Variants in COLEC12 observed in about 807,000 individuals in gnomAD.
The protein encoded by COLEC12 is collectin-12.
In COLEC12, 33 loss-of-function variants were observed where a neutral mutation model predicts 71.1. The ratio of observed to expected loss-of-function variants is 0.46; its 90% CI spans 0.35 to 0.62. The LOEUF is 0.62. Ranked by LOEUF, COLEC12 falls within the 20% of genes least tolerant of loss-of-function variation. The pLI, the probability that COLEC12 is intolerant of heterozygous loss-of-function variation, is 0.00. For synonymous variants in COLEC12, 350 were observed against 353.0 expected (o/e 0.99, Z 0.10); for missense variants, 765 against 916.1 (o/e 0.84, Z 2.13).
Position 500,394 on chromosome 18 carries a change from C to G in COLEC12, c.7+114G>C, listed in dbSNP as rs1335883728. The G allele has an allele frequency of 1.4e-6, 1 of 739,668 alleles. No homozygotes were observed. Among genetic ancestry groups the G allele is most frequent in the African/African-American group, 1.8e-5 (1 of 54,368 alleles). The allele number at this position is 739,668 out of a possible 1,614,324, so 45.8% of individuals were successfully genotyped here. ...ACCCGGCGCCCTGGCAGCCCCGACTCCCCGGGCCCGCAGCCCAAGGGAAGG... is the reference window on the plus strand; with the variant it reads ...ACCCGGCGCCCTGGCAGCCCCGACTGCCCGGGCCCGCAGCCCAAGGGAAGG... On this transcript the variant is annotated intron_variant, in intron 1 of 9. Transcript: ENST00000400256. The surrounding 1 kb of genome is among the most constrained non-coding windows in gnomAD (Gnocchi z 5.3).
intron 2 of COLEC12, among the ~76,000 whole-genome samples, chr18:461,326 T>C (rs1268527486): frequency 1.3e-5 from 2 of 152,198 alleles, no homozygotes. Context: ...AACACTATTA[T>C]CTCAACATAT....
chr18:395,813 C>G (rs1915558826), intron 2 of COLEC12, among the ~76,000 whole-genome samples: 3 of 152,172 alleles, frequency 2.0e-5, no homozygotes, highest in Admixed American at 2.0e-4. Context: ...GTAGAAGATG[C>G]CAATCCCCAA....
At chr18:446,075 T>A (rs1423233259) in intron 2 of COLEC12, among the ~76,000 whole-genome samples, 2 of 152,238 alleles carry the variant, frequency 1.3e-5, no homozygotes, top group African/African-American at 4.8e-5. Flanking sequence ...GTACAAATAC[T>A]GCCTTTTTTA....
chr18:451,860 C>T (rs1441294426), intron 2 of COLEC12, among the ~76,000 whole-genome samples: 1 of 152,054 alleles, frequency 6.6e-6, no homozygotes, highest in Non-Finnish European at 1.5e-5. Context: ...AGACCATTTC[C>T]AGGGGGAGGA....
At chr18:368,619 C>A (rs1166205031) in intron 2 of COLEC12, among the ~76,000 whole-genome samples, 5 of 149,728 alleles carry the variant, frequency 3.3e-5, no homozygotes, top group African/African-American at 9.9e-5. Context: ...AATCCCAGAA[C>A]TTTGGGAGGC....
chr18:331,929 C>T (rs1486093900), intron 7 of COLEC12, 152 bp from the exon 8 acceptor site: 3 of 614,170 alleles, frequency 4.9e-6, no homozygotes, highest in East Asian at 5.6e-5. Context: ...TTTTTTCTTG[C>T]TACTTGCTTT....
chr18:497,241 T>C (rs1917728658), intron 1 of COLEC12, among the ~76,000 whole-genome samples: 1 of 152,246 alleles, frequency 6.6e-6, no homozygotes, highest in South Asian at 2.1e-4. Flanking sequence ...ACAAAGGCCA[T>C]ATCCAGGTTT....
At chr18:377,659 G>A (rs1049195295) in intron 2 of COLEC12, among the ~76,000 whole-genome samples, 4 of 152,254 alleles carry the variant, frequency 2.6e-5, no homozygotes, top group Non-Finnish European at 4.4e-5. Flanking sequence ...CTGCACTGGA[G>A]GGAATCCTTG....
At chr18:483,094 T>C (rs1269852583) in intron 1 of COLEC12, among the ~76,000 whole-genome samples, 4 of 152,174 alleles carry the variant, frequency 2.6e-5, no homozygotes, top group African/African-American at 4.8e-5. Context: ...TTTGTTACAA[T>C]GTATTTATAA....
At chr18:328,012 G>GT (rs1047617944) in intron 8 of COLEC12, among the ~76,000 whole-genome samples, 10 of 150,748 alleles carry the variant, frequency 6.6e-5, no homozygotes, top group African/African-American at 2.4e-4. Flanking sequence ...TTTTTTCCTC[G>GT]TTTTTTTAAG....
chr18:329,782 T>C (rs984469427), intron 8 of COLEC12, among the ~76,000 whole-genome samples: 13 of 152,244 alleles, frequency 8.5e-5, no homozygotes, highest in African/African-American at 3.1e-4. Flanking sequence ...TTATTTTTTA[T>C]AAAGAGCTGG....
At chr18:342,214 C>T (rs758771023) in intron 5 of COLEC12, among the ~76,000 whole-genome samples, 3 of 150,950 alleles carry the variant, frequency 2.0e-5, no homozygotes, top group African/African-American at 4.9e-5. Flanking sequence ...TGTGCCACCA[C>T]GCCCGGTTAA....
intron 2 of COLEC12, among the ~76,000 whole-genome samples, chr18:367,362 A>AT (rs572765367): frequency 8.6e-5 from 13 of 150,446 alleles, no homozygotes; most frequent in Non-Finnish European, 1.3e-4. Context: ...TACCGATTTG[A>AT]TTTTTTTTTT....
chr18:439,210 T>C (rs1916464784), intron 2 of COLEC12, among the ~76,000 whole-genome samples: 1 of 152,234 alleles, frequency 6.6e-6, no homozygotes, highest in Non-Finnish European at 1.5e-5. Context: ...AGTGAGTGAC[T>C]TGTTTCCAGG....
At chr18:389,316 C>T (rs1351164730) in intron 2 of COLEC12, among the ~76,000 whole-genome samples, 2 of 148,328 alleles carry the variant, frequency 1.3e-5, no homozygotes, top group East Asian at 2.0e-4. Context: ...CATAGTGGCA[C>T]GATCTAGGTT....
chr18:383,749 C>T (rs1915284581), intron 2 of COLEC12, among the ~76,000 whole-genome samples: 1 of 152,024 alleles, frequency 6.6e-6, no homozygotes, highest in Non-Finnish European at 1.5e-5. Context: ...TTGTATTAGT[C>T]CATTCTCAGG....
At chr18:379,660 G>A (rs190025904) in intron 2 of COLEC12, among the ~76,000 whole-genome samples, 12 of 152,258 alleles carry the variant, frequency 7.9e-5, no homozygotes, top group East Asian at 1.9e-4. Context: ...GTGGCCTCTC[G>A]GTGCTTCTGA....
chr18:466,037 C>T (rs181015807), intron 2 of COLEC12, among the ~76,000 whole-genome samples: 11 of 152,048 alleles, frequency 7.2e-5, no homozygotes, highest in Admixed American at 2.0e-4. Flanking sequence ...CATTGTACTC[C>T]GGCCTTGGGG....
intron 2 of COLEC12, among the ~76,000 whole-genome samples, chr18:358,950 C>A (rs542895303): frequency 6.6e-6 from 1 of 152,176 alleles, no homozygotes; most frequent in African/African-American, 2.4e-5. Context: ...TGAAACGTTA[C>A]GTGGCACATG....
Sources: allele counts gnomAD v4.1 joint callset (sites outside exome capture counted in the v4.1 genomes callset), GRCh38; gene constraint gnomAD v4.1.1; non-coding constraint Gnocchi (gnomAD v3.1); transcripts MANE v1.5; gene names NCBI Gene and HGNC (gene_info 2026-07-23, HGNC 2026-07-21).